GULP1: variants seen among roughly 807,000 people sequenced by gnomAD.
The protein encoded by GULP1 is GULP PTB domain containing engulfment adaptor 1.
Under a neutral mutation model 40.9 loss-of-function variants are expected in GULP1, and 19 were observed. The ratio of observed to expected loss-of-function variants is 0.46; its 90% CI spans 0.32 to 0.68. The LOEUF (loss-of-function observed/expected upper bound fraction) is 0.68, where lower values mean the gene tolerates loss of function less well. Ranked by LOEUF, GULP1 falls within the 30% of genes least tolerant of loss-of-function variation. The pLI is 0.03. For synonymous variants in GULP1, 119 were observed against 117.6 expected (o/e 1.01, Z -0.08); for missense variants, 312 against 362.2 (o/e 0.86, Z 1.12).
At chr2:188,368,186 C>T (rs1231828963) in intron 1 of GULP1, among the ~76,000 whole-genome samples, 2 of 152,030 alleles carry the variant, frequency 1.3e-5, no homozygotes, top group Non-Finnish European at 2.9e-5. Context: ...TAAGAATAAT[C>T]TAGAAAAAAG....
intron 1 of GULP1, among the ~76,000 whole-genome samples, chr2:188,347,032 CT>C (rs1368109230): frequency 7.9e-5 from 12 of 152,124 alleles, no homozygotes; most frequent in African/African-American, 2.9e-4. Flanking sequence ...TGATAAAGCA[CT>C]GCAATAAGCA....
intron 1 of GULP1, among the ~76,000 whole-genome samples, chr2:188,344,490 G>T (rs902188790): frequency 6.6e-6 from 1 of 152,172 alleles, no homozygotes; most frequent in Non-Finnish European, 1.5e-5. Flanking sequence ...TTGCAGAGCC[G>T]GTTAGATTTC....
At chr2:188,302,367 G>T (rs561604581) in intron 1 of GULP1, among the ~76,000 whole-genome samples, 1 of 152,142 alleles carries the variant, frequency 6.6e-6, no homozygotes. Context: ...AATCTAATCA[G>T]TTCACAAAAT....
chr2:188,489,408 T>A lies in GULP1; in HGVS notation c.90+5916T>A, dbSNP rs554542218. Among the ~76,000 whole-genome samples the A allele has an allele frequency of 8.6e-4, 131 of 152,036 alleles. 2 individuals carry two copies. The highest frequency in any genetic ancestry group is 3.2e-3 in the Middle Eastern group (1 of 316). The stretch of plus-strand genomic sequence containing the variant: ...CAATTGCATTTCCAGATAATCCATA[T>A]CATTTATCCGAAAATGAGTCTTTAA... On this transcript the variant is annotated intron_variant, in intron 4 of 11. Coordinates refer to ENST00000409830, the MANE Select transcript of GULP1 (RefSeq NM_016315.4).
chr2:188,587,318 A>G (rs1010621891), intron 10 of GULP1, among the ~76,000 whole-genome samples: 3 of 152,094 alleles, frequency 2.0e-5, no homozygotes, highest in African/African-American at 7.2e-5. Context: ...CATTGTGACT[A>G]TCTAGAAAGG....
intron 9 of GULP1, among the ~76,000 whole-genome samples, chr2:188,582,012 A>G (rs763519207): frequency 2.6e-5 from 4 of 152,126 alleles, no homozygotes; most frequent in Non-Finnish European, 5.9e-5. Flanking sequence ...TTCATTACAG[A>G]AGCCCTCTCC....
chr2:188,387,563 T>C (rs1435053304), intron 2 of GULP1, among the ~76,000 whole-genome samples: 1 of 152,182 alleles, frequency 6.6e-6, no homozygotes, highest in African/African-American at 2.4e-5. Flanking sequence ...TGGTAACACT[T>C]TCAGCTTGGG....
chr2:188,372,554 G>A (rs2047736399), intron 1 of GULP1, among the ~76,000 whole-genome samples: 1 of 151,994 alleles, frequency 6.6e-6, no homozygotes, highest in African/African-American at 2.4e-5. Context: ...TTTTGAAAGT[G>A]TTTTCATACA....
At chr2:188,354,634 C>T (rs922766316) in intron 1 of GULP1, among the ~76,000 whole-genome samples, 3 of 152,194 alleles carry the variant, frequency 2.0e-5, no homozygotes, top group Admixed American at 6.5e-5. Context: ...TCATGTCAGA[C>T]CTGACACAAA....
At chr2:188,552,729 T>A (rs534176255) in intron 7 of GULP1, among the ~76,000 whole-genome samples, 9 of 151,856 alleles carry the variant, frequency 5.9e-5, no homozygotes, top group African/African-American at 1.9e-4. Context: ...AATGATATTA[T>A]TTCTTATGAT....
chr2:188,540,945 A>G (rs1324157548), intron 6 of GULP1, among the ~76,000 whole-genome samples: 1 of 152,140 alleles, frequency 6.6e-6, no homozygotes, highest in African/African-American at 2.4e-5. Context: ...ATTTTGTACT[A>G]TGCTTATGTT....
At chr2:188,432,156 T>G (rs1196461014) in intron 2 of GULP1, among the ~76,000 whole-genome samples, 2 of 151,766 alleles carry the variant, frequency 1.3e-5, no homozygotes, top group Admixed American at 6.6e-5. Context: ...ATAAATTTTT[T>G]AAGAAAAAAT....
intron 4 of GULP1, among the ~76,000 whole-genome samples, chr2:188,517,995 C>CT (rs927803335): frequency 4.0e-5 from 6 of 151,698 alleles, no homozygotes; most frequent in Non-Finnish European, 7.4e-5. Context: ...GGCATGATTC[C>CT]TTTTTTTTGT....
chr2:188,442,944 C>T (rs192128423), intron 2 of GULP1, among the ~76,000 whole-genome samples: 253 of 152,206 alleles, frequency 1.7e-3, no homozygotes, highest in Non-Finnish European at 2.9e-3. Flanking sequence ...GAGGAGTTAT[C>T]AAGGAAACAA....
At chr2:188,311,557 A>G (rs1023883156) in intron 1 of GULP1, among the ~76,000 whole-genome samples, 17 of 152,100 alleles carry the variant, frequency 1.1e-4, no homozygotes, top group African/African-American at 3.6e-4. Context: ...ACCATTTTGA[A>G]TTTGACCAGT....
intron 1 of GULP1, among the ~76,000 whole-genome samples, chr2:188,365,940 C>A (rs566653792): frequency 6.6e-6 from 1 of 152,136 alleles, no homozygotes; most frequent in Non-Finnish European, 1.5e-5. Context: ...GTGGCCAGAA[C>A]ATTAGTAGGT....
chr2:188,574,076 T>A (rs1330690623), intron 9 of GULP1, among the ~76,000 whole-genome samples: 1 of 152,184 alleles, frequency 6.6e-6, no homozygotes, highest in Non-Finnish European at 1.5e-5. Context: ...CTGGATATGC[T>A]GGTCTAACAC....
intron 9 of GULP1, among the ~76,000 whole-genome samples, chr2:188,583,552 T>C (rs1701752388): frequency 6.6e-6 from 1 of 152,188 alleles, no homozygotes; most frequent in African/African-American, 2.4e-5. Context: ...CTTGGCTACA[T>C]TTTCATGAGA....
chr2:188,445,377 G>A (rs1373225729), intron 2 of GULP1, among the ~76,000 whole-genome samples: 2 of 152,152 alleles, frequency 1.3e-5, no homozygotes, highest in South Asian at 2.1e-4. Flanking sequence ...GACAGCAATG[G>A]CAGGAGACCC....
Sources: gnomAD v4.1 joint callset for allele counts (sites outside exome capture counted in the v4.1 genomes callset) on GRCh38, gnomAD v4.1.1 for gene constraint, MANE v1.5 for transcripts, NCBI Gene and HGNC (gene_info 2026-07-23, HGNC 2026-07-21) for gene names.